The following HPSE2 variants were observed in gnomAD, a reference collection of about 807,000 sequenced individuals.
HPSE2 encodes inactive heparanase-2.
Under a neutral mutation model 60.5 loss-of-function variants are expected in HPSE2, and 38 were observed. The observed-to-expected ratio is 0.63, with a 90% CI of 0.48 to 0.82. The LOEUF (loss-of-function observed/expected upper bound fraction) is 0.82. Ranked by LOEUF, HPSE2 falls within the 40% of genes least tolerant of loss-of-function variation. HPSE2 has a pLI of 0.00. For missense variants in HPSE2, 713 were observed against 740.4 expected (o/e 0.96, Z 0.43); for synonymous variants, 295 against 293.2 (o/e 1.01, Z -0.06).
At chr10:99,062,682 C>T (rs994997222) in intron 3 of HPSE2, among the ~76,000 whole-genome samples, 4 of 152,110 alleles carry the variant, frequency 2.6e-5, no homozygotes, top group African/African-American at 9.7e-5. Flanking sequence ...AGCCAATGAT[C>T]AGAGCCAGAA....
At chr10:98,921,474 T>C (rs1954281006) in intron 3 of HPSE2, among the ~76,000 whole-genome samples, 1 of 152,174 alleles carries the variant, frequency 6.6e-6, no homozygotes, top group South Asian at 2.1e-4. Context: ...GGTAGACAGC[T>C]GGAGAGGGCC....
chr10:98,939,087 A>G lies in HPSE2; in HGVS notation c.611-195031T>C, dbSNP rs192427889. 7.6e-5 allele frequency among the ~76,000 whole-genome samples: 11 copies of G among 144,208 alleles called. 1 individual carries two copies. The highest frequency in any genetic ancestry group is 3.5e-3 in the Middle Eastern group (1 of 284). 94.6% of individuals were successfully genotyped at this position (144,208 alleles called of 152,430 possible). On this transcript the variant is annotated intron_variant, in intron 3 of 11. Transcript: ENST00000370552. ...CCCTAAAACAGCTCCTGAAGGAAGC[A>G]CTAAACATGGAAAGGAACAACCAGT...
chr10:98,748,570 C>T (rs546057334), intron 3 of HPSE2, among the ~76,000 whole-genome samples: 34 of 152,130 alleles, frequency 2.2e-4, no homozygotes, highest in African/African-American at 8.0e-4. Flanking sequence ...GGATAGTGGG[C>T]AGTTGAAGAT....
At chr10:99,124,532 C>G (rs1845089690) in intron 3 of HPSE2, among the ~76,000 whole-genome samples, 1 of 152,210 alleles carries the variant, frequency 6.6e-6, no homozygotes, top group African/African-American at 2.4e-5. Context: ...CCCTCAGGCT[C>G]CCTCCTGTGT....
intron 4 of HPSE2, among the ~76,000 whole-genome samples, chr10:98,741,939 G>A (rs541763931): frequency 8.0e-4 from 122 of 152,250 alleles, no homozygotes; most frequent in Admixed American, 3.0e-3. Context: ...AGGAGGGTAA[G>A]GTTAGGTGAG....
chr10:99,071,251 G>T (rs556965817), intron 3 of HPSE2, among the ~76,000 whole-genome samples: 30 of 151,966 alleles, frequency 2.0e-4, no homozygotes, highest in African/African-American at 7.0e-4. Flanking sequence ...TGTACTTTTA[G>T]TAGAGATGGG....
chr10:98,986,003 A>T (rs575090570), intron 3 of HPSE2, among the ~76,000 whole-genome samples: 2 of 152,184 alleles, frequency 1.3e-5, no homozygotes, highest in Admixed American at 6.5e-5. Context: ...AAGTCCTTAG[A>T]GACCTACAAA....
intron 3 of HPSE2, among the ~76,000 whole-genome samples, chr10:98,876,265 A>C (rs1716169856): frequency 6.6e-6 from 1 of 151,938 alleles, no homozygotes; most frequent in Non-Finnish European, 1.5e-5. Context: ...AAAATATTAT[A>C]GTATAGCTAG....
rs546624224 is a variant in HPSE2 at position 98,890,741 on chromosome 10, C to A, written c.611-146685G>T. 7.2e-5 allele frequency among the ~76,000 whole-genome samples: 11 copies of A among 152,200 alleles called. No homozygotes were observed. In the South Asian group the frequency reaches 2.3e-3, roughly 32 times the overall value. On this transcript the variant is annotated intron_variant, in intron 3 of 11. Transcript: ENST00000370552. ...TCCCTTGGGGTTGTAAAAGGGGCACCAAGCCCAGGGCATCCTACTAGCTAG... is the reference window on the plus strand; with the variant it reads ...TCCCTTGGGGTTGTAAAAGGGGCACAAAGCCCAGGGCATCCTACTAGCTAG...
At chr10:99,165,088 A>AT (rs1380863351) in intron 2 of HPSE2, among the ~76,000 whole-genome samples, 1 of 151,310 alleles carries the variant, frequency 6.6e-6, no homozygotes, top group Non-Finnish European at 1.5e-5. Flanking sequence ...TCTCAAAAAA[A>AT]AAAAAAAAAA....
chr10:98,507,779 C>T (rs1321748448), intron 9 of HPSE2, among the ~76,000 whole-genome samples: 2 of 152,080 alleles, frequency 1.3e-5, no homozygotes, highest in East Asian at 3.8e-4. Flanking sequence ...TCTTTCCTTC[C>T]CTTCTTCCCT....
intron 9 of HPSE2, among the ~76,000 whole-genome samples, chr10:98,495,897 T>A (rs1319248541): frequency 6.6e-6 from 1 of 152,252 alleles, no homozygotes; most frequent in Non-Finnish European, 1.5e-5. Context: ...TTATTTATTT[T>A]TTTCTTTGAA....
chr10:98,575,206 C>A (rs564626247), intron 9 of HPSE2, among the ~76,000 whole-genome samples: 57 of 152,264 alleles, frequency 3.7e-4, no homozygotes, highest in Middle Eastern at 3.4e-3. Flanking sequence ...CTCTGAGATG[C>A]TAAAGACCTA....
rs1847899081 is a variant in HPSE2 at position 99,184,522 on chromosome 10, C to CCA, written c.449-40124_449-40123insTG. 1.0e-3 allele frequency among the ~76,000 whole-genome samples: 63 copies of CCA among 60,768 alleles called. 1 individual carries two copies. Among genetic ancestry groups the CCA allele is most frequent in the African/African-American group, 7.6e-3 (63 of 8,266 alleles). 39.9% of individuals were successfully genotyped at this position (60,768 alleles called of 152,430 possible). A position where few individuals can be genotyped will look rare whatever the true frequency, so the allele number is the denominator to read the frequency against. On this transcript the variant is annotated intron_variant, in intron 2 of 11. Coordinates refer to ENST00000370552, the MANE Select transcript of HPSE2 (RefSeq NM_021828.5). ...CCTGGGCAACAGAGCGAGACTGTCT[C>CCA]AAAAAAAAAAAAAAAAAAAAAAAAA...
At position 98,580,863 on chromosome 10, in the gene HPSE2, T is replaced by TGTGA. The variant is rs758991622; in HGVS notation, c.1320+34040_1320+34041insTCAC. ...GTGTGTGTGTGTGTGTGTGTGTGTG[T>TGTGA]GATAAACATGATATATATAAAATAT... is the stretch of plus-strand genomic sequence containing the variant. On this transcript the variant is annotated intron_variant, in intron 9 of 11. Transcript: ENST00000370552. Among the ~76,000 whole-genome samples the TGTGA allele has an allele frequency of 1.3e-3, 187 of 142,626 alleles. 3 individuals carry two copies. The highest frequency in any genetic ancestry group is 4.2e-3 in the African/African-American group (159 of 38,082). 93.6% of individuals were successfully genotyped at this position (142,626 alleles called of 152,430 possible).
intron 9 of HPSE2, among the ~76,000 whole-genome samples, chr10:98,577,457 G>A (rs1197950694): frequency 5.3e-5 from 8 of 152,102 alleles, no homozygotes; most frequent in Admixed American, 4.6e-4. Flanking sequence ...GTATTCACTA[G>A]TCCTATATTA....
At chr10:98,704,254 C>G (rs1948486452) in intron 5 of HPSE2, among the ~76,000 whole-genome samples, 1 of 151,834 alleles carries the variant, frequency 6.6e-6, no homozygotes, top group Non-Finnish European at 1.5e-5. Context: ...TCAAGAAAAT[C>G]AGAGGACACA....
At chr10:98,898,444 C>T (rs970992762) in intron 3 of HPSE2, among the ~76,000 whole-genome samples, 29 of 152,126 alleles carry the variant, frequency 1.9e-4, no homozygotes, top group Admixed American at 1.3e-3. Context: ...TAATCTTAAA[C>T]GCATACTAAG....
chr10:98,946,267 C>G (rs1419673014), intron 3 of HPSE2, among the ~76,000 whole-genome samples: 2 of 151,914 alleles, frequency 1.3e-5, no homozygotes, highest in Non-Finnish European at 2.9e-5. Context: ...GTCAGAAGTT[C>G]CAGACCAGCC....
Sources: allele counts gnomAD v4.1 joint callset (sites outside exome capture counted in the v4.1 genomes callset), GRCh38; gene constraint gnomAD v4.1.1; transcripts MANE v1.5; gene names NCBI Gene and HGNC (gene_info 2026-07-23, HGNC 2026-07-21).